The following REV3L variants were observed in gnomAD, a reference collection of about 807,000 sequenced individuals.
The protein encoded by REV3L is DNA polymerase zeta catalytic subunit.
In REV3L, 69 loss-of-function variants were observed where a neutral mutation model predicts 299.4. The observed-to-expected ratio is 0.23, with a 90% confidence interval of 0.19 to 0.28. REV3L has a LOEUF of 0.28. Ranked by LOEUF, REV3L falls within the 10% of genes least tolerant of loss-of-function variation. REV3L has a pLI of 1.00. For synonymous variants in REV3L, 1,238 were observed against 1,271.4 expected (o/e 0.97, Z 0.56); for missense variants, 3,128 against 3,693.8 (o/e 0.85, Z 3.97).
chr6:111,353,050 A>G (rs890044198), intron 18 of REV3L, among the ~76,000 whole-genome samples: 1 of 152,240 alleles, frequency 6.6e-6, no homozygotes, highest in African/African-American at 2.4e-5. Context: ...GTGAAATATC[A>G]CAAAAATTTA....
At chr6:111,413,621 A>G (rs1784475098) in intron 2 of REV3L, among the ~76,000 whole-genome samples, 1 of 152,082 alleles carries the variant, frequency 6.6e-6, no homozygotes, top group Admixed American at 6.6e-5. Flanking sequence ...TAAGTAGGAA[A>G]AATTGAAGGA....
At chr6:111,405,757 G>A (rs889578888) in intron 3 of REV3L, 127 bp from the exon 4 acceptor site, 36 of 581,312 alleles carry the variant, frequency 6.2e-5, no homozygotes, top group East Asian at 1.0e-4. Flanking sequence ...CAATTTTACC[G>A]GAAATTTGTA....
rs1172694003 is a variant in REV3L at position 111,411,499 on chromosome 6, T to G, written c.385A>C (p.Asn129His). 1 of 1,586,866 alleles carries G rather than the reference T, an allele frequency of 6.3e-7. No individual in the cohort carries two copies. Among genetic ancestry groups the G allele is most frequent in the Non-Finnish European group, 8.6e-7 (1 of 1,161,832 alleles). Residue 129 changes from asparagine to histidine, a missense_variant, in exon 3 of 32, where the codon AAT becomes CAT. Around this residue, in one of 9 missense-constraint regions of REV3L, gnomAD observed 2,409 missense variants for 2,611.8 expected, o/e 0.92. Coordinates refer to ENST00000368802, the MANE Select transcript of REV3L (RefSeq NM_001372078.1). ...TTGTACCTTTTCACCATTGTAGGAT[T>G]GTAAAGATAGATCTTCATAAAGTGT... Reference protein sequence around the residue: ...ERHFMKIYLYNPTMVKRICEL... With the variant: ...ERHFMKIYLYHPTMVKRICEL...
chr6:111,320,926 C>T (rs1774101912), intron 26 of REV3L, among the ~76,000 whole-genome samples: 2 of 152,186 alleles, frequency 1.3e-5, no homozygotes, highest in Non-Finnish European at 2.9e-5. Flanking sequence ...GCTAGGATTT[C>T]AAGTATGAGG....
intron 1 of REV3L, among the ~76,000 whole-genome samples, chr6:111,442,082 G>C (rs1056184231): frequency 1.3e-5 from 2 of 152,200 alleles, no homozygotes; most frequent in African/African-American, 4.8e-5. Context: ...GGTTTCCCTT[G>C]GCAAATGTTA....
Position 111,377,671 on chromosome 6 carries a change from C to G in REV3L, c.1597+30G>C, listed in dbSNP as rs1780448336. The G allele has an allele frequency of 3.1e-6, 5 of 1,595,044 alleles. No individual in the cohort carries two copies. The East Asian group carries it at 1.1e-4, about 36-fold the overall frequency. ...AATACATTTTTAGATCGTGAATAAC[C>G]AATTTCTCACAGTAGACTTGTTTAC... On this transcript the variant is annotated intron_variant, in intron 12 of 31. Transcript: ENST00000368802.
chr6:111,425,122 T>C (rs1208149046), intron 1 of REV3L, among the ~76,000 whole-genome samples: 2 of 152,174 alleles, frequency 1.3e-5, no homozygotes, highest in African/African-American at 4.8e-5. Context: ...AAGAAATCTC[T>C]GGTCAACCAT....
rs1344731850 is a variant in REV3L at position 111,387,798 on chromosome 6, C to T, written c.1063G>A (p.Val355Ile). The change falls in exon 9 of 32, where the codon GTA becomes ATA. Residue 355 changes from valine to isoleucine, a missense_variant. Val to Ile is a conservative substitution (Grantham distance 29). Transcript: ENST00000368802. ...EMLQCTPANM[V>I]EVHKDKESSK... ...GACTCTTTGTCTTTGTGAACTTCTACCATATTGGCTGGTGTACACTGAAGC... is the reference window on the plus strand; with the variant it reads ...GACTCTTTGTCTTTGTGAACTTCTATCATATTGGCTGGTGTACACTGAAGC... The T allele has an allele frequency of 6.2e-7, 1 of 1,613,902 alleles. No individual in the cohort carries two copies. Among genetic ancestry groups the T allele is most frequent in the South Asian group, 1.1e-5 (1 of 91,074 alleles).
At chr6:111,362,180 T>C (rs1459890727) in intron 16 of REV3L, among the ~76,000 whole-genome samples, 4 of 152,178 alleles carry the variant, frequency 2.6e-5, no homozygotes, top group Non-Finnish European at 4.4e-5. Context: ...GGGGCTAGTA[T>C]AGACCTAGGT....
At chr6:111,334,603 G>GA (rs1296016225) in intron 22 of REV3L, among the ~76,000 whole-genome samples, 5 of 151,894 alleles carry the variant, frequency 3.3e-5, no homozygotes, top group Admixed American at 1.3e-4. Flanking sequence ...TGGGGTATTA[G>GA]AAAAAAAATT....
At chr6:111,443,394 G>A (rs1307867068) in intron 1 of REV3L, among the ~76,000 whole-genome samples, 1 of 151,880 alleles carries the variant, frequency 6.6e-6, no homozygotes, top group Non-Finnish European at 1.5e-5. Flanking sequence ...GATCCACCGC[G>A]CCCGGCCATA....
intron 17 of REV3L, among the ~76,000 whole-genome samples, chr6:111,357,554 A>G (rs1046600303): frequency 9.9e-5 from 15 of 152,082 alleles, no homozygotes; most frequent in African/African-American, 1.4e-4. Flanking sequence ...TTAGCTGGGC[A>G]TGGTGGCGGG....
intron 26 of REV3L, among the ~76,000 whole-genome samples, chr6:111,318,964 T>C (rs1410049676): frequency 6.6e-6 from 1 of 152,186 alleles, no homozygotes; most frequent in Non-Finnish European, 1.5e-5. Flanking sequence ...GTCTAGGGCA[T>C]GGAGTGAGGG....
At chr6:111,450,074 T>C (rs1336435498) in intron 1 of REV3L, among the ~76,000 whole-genome samples, 1 of 152,152 alleles carries the variant, frequency 6.6e-6, no homozygotes, top group Non-Finnish European at 1.5e-5. Flanking sequence ...AGGAAAAATA[T>C]GAGTAGAACT....
chr6:111,374,079 G>A lies in REV3L; in HGVS notation c.4276C>T (p.Gln1426Ter). Residue 1426 changes from glutamine (Q) to a stop codon, truncating the protein, a stop_gained, in exon 13 of 32, where the codon CAG becomes TAG. Transcript: ENST00000368802. LOFTEE classifies it high-confidence loss of function. ...TPNFLHCKDS[Q>*]QQIVCIAEQS... ...TCCGCTATGCACACAATCTGCTGCT[G>A]ACTGTCTTTGCAATGCAAAAAATTA... 6.2e-7 allele frequency: 1 copy of A among 1,614,094 alleles called. No individual in the cohort carries two copies. Among genetic ancestry groups the A allele is most frequent in the Non-Finnish European group, 8.5e-7 (1 of 1,179,972 alleles).
intron 25 of REV3L, among the ~76,000 whole-genome samples, chr6:111,324,240 C>T (rs932584619): frequency 2.6e-5 from 4 of 152,210 alleles, no homozygotes; most frequent in African/African-American, 9.7e-5. Context: ...TCAAATGATC[C>T]ACCCGCCTCA....
chr6:111,474,935 T>C (rs1792729806), intron 1 of REV3L, among the ~76,000 whole-genome samples: 1 of 151,594 alleles, frequency 6.6e-6, no homozygotes. Flanking sequence ...ATTACTGTCA[T>C]CAGACTCTCC....
intron 9 of REV3L, among the ~76,000 whole-genome samples, chr6:111,385,453 G>GA (rs1301350907): frequency 6.6e-6 from 1 of 151,926 alleles, no homozygotes; most frequent in East Asian, 1.9e-4. Context: ...ACCTAAATGT[G>GA]AAAAACCAAA....
At chr6:111,303,419 T>C (rs1157932678) in intron 31 of REV3L, among the ~76,000 whole-genome samples, 1 of 151,714 alleles carries the variant, frequency 6.6e-6, no homozygotes, top group Non-Finnish European at 1.5e-5. Flanking sequence ...CAGGCTGGAG[T>C]GCAGTGGCAC....
Sources: allele counts gnomAD v4.1 joint callset (sites outside exome capture counted in the v4.1 genomes callset), GRCh38; gene constraint gnomAD v4.1.1; regional missense constraint gnomAD v4.1.1; transcripts MANE v1.5; gene names NCBI Gene and HGNC (gene_info 2026-07-23, HGNC 2026-07-21).